PDGFD: variants seen among roughly 807,000 people sequenced by gnomAD.
The protein encoded by PDGFD is platelet derived growth factor D.
In PDGFD, 30 loss-of-function variants were observed where a neutral mutation model predicts 44.7. The ratio of observed to expected loss-of-function variants is 0.67; its 90% CI spans 0.50 to 0.91. The LOEUF is 0.91. Among genes scored for constraint, PDGFD ranks in the 40% least tolerant of loss-of-function variants. The pLI is 0.00. For missense variants in PDGFD, 445 were observed against 457.8 expected (o/e 0.97, Z 0.25); for synonymous variants, 173 against 168.4 (o/e 1.03, Z -0.21).
intron 1 of PDGFD, among the ~76,000 whole-genome samples, chr11:104,085,029 T>C (rs1861109579): frequency 6.6e-6 from 1 of 150,670 alleles, no homozygotes; most frequent in Non-Finnish European, 1.5e-5. Context: ...ATAACCATAG[T>C]ATATTTCAAA....
At chr11:104,086,357 G>GA (rs1368252238) in intron 1 of PDGFD, among the ~76,000 whole-genome samples, 3 of 152,180 alleles carry the variant, frequency 2.0e-5, no homozygotes, top group African/African-American at 7.2e-5. Flanking sequence ...CAAAAAAGAA[G>GA]AAAGTGTGTG....
intron 5 of PDGFD, among the ~76,000 whole-genome samples, chr11:103,936,544 TATTTC>T (rs1203178676): frequency 3.3e-5 from 5 of 152,224 alleles, no homozygotes; most frequent in Non-Finnish European, 7.3e-5. Flanking sequence ...ATAAAACATT[TATTTC>T]ATTTATTTCT....
intron 1 of PDGFD, among the ~76,000 whole-genome samples, chr11:104,090,106 G>C (rs1861190143): frequency 6.6e-6 from 1 of 152,078 alleles, no homozygotes; most frequent in Non-Finnish European, 1.5e-5. Flanking sequence ...AGACAGCAAT[G>C]AAAGATAGAA....
At chr11:103,957,442 C>T (rs1335712902) in intron 3 of PDGFD, among the ~76,000 whole-genome samples, 1 of 152,144 alleles carries the variant, frequency 6.6e-6, no homozygotes, top group Non-Finnish European at 1.5e-5. Context: ...AAGCTGGAGG[C>T]ATCACGCTAC....
chr11:103,946,514 T>G (rs1340986644), intron 4 of PDGFD: 1 of 152,228 alleles, frequency 6.6e-6, no homozygotes, highest in Non-Finnish European at 1.5e-5. Flanking sequence ...AGCTATCATG[T>G]CGAAGGTGCC....
At chr11:103,912,809 A>C (rs993669880) in intron 6 of PDGFD, among the ~76,000 whole-genome samples, 32 of 151,078 alleles carry the variant, frequency 2.1e-4, no homozygotes, top group African/African-American at 6.6e-4. Context: ...TGGAAAACAA[A>C]AAAAAAAAGC....
At chr11:104,038,048 C>T (rs758009693) in intron 1 of PDGFD, 6 of 1,561,824 alleles carry the variant, frequency 3.8e-6, no homozygotes, top group Non-Finnish European at 5.2e-6. Flanking sequence ...CTTGAGGGAG[C>T]CTCAGGTCCC....
intron 1 of PDGFD, among the ~76,000 whole-genome samples, chr11:104,089,975 T>C (rs1017816532): frequency 3.3e-5 from 5 of 152,130 alleles, no homozygotes; most frequent in Admixed American, 6.6e-5. Context: ...GAGTAGAACA[T>C]ACAACTCTCT....
intron 1 of PDGFD, among the ~76,000 whole-genome samples, chr11:104,104,333 G>A (rs1861440969): frequency 6.6e-6 from 1 of 152,030 alleles, no homozygotes. Context: ...TAGGCTAAGT[G>A]TACAGTGTTT....
intron 1 of PDGFD, among the ~76,000 whole-genome samples, chr11:104,090,649 C>A (rs890517368): frequency 2.0e-5 from 3 of 149,690 alleles, no homozygotes; most frequent in Non-Finnish European, 4.4e-5. Flanking sequence ...AAAAAATGTA[C>A]AGCAGAACAA....
chr11:103,967,904 GA>G (rs1414692717), intron 3 of PDGFD, among the ~76,000 whole-genome samples: 1 of 152,088 alleles, frequency 6.6e-6, no homozygotes, highest in Non-Finnish European at 1.5e-5. Context: ...CAAGCTTCTT[GA>G]AACAGTTTGT....
intron 6 of PDGFD, among the ~76,000 whole-genome samples, chr11:103,919,054 G>A (rs890521017): frequency 2.0e-5 from 3 of 152,066 alleles, no homozygotes; most frequent in Non-Finnish European, 4.4e-5. Flanking sequence ...ATCCACTGGC[G>A]GGCAACCAGC....
At chr11:104,115,416 T>TA (rs2134455850) in intron 1 of PDGFD, among the ~76,000 whole-genome samples, 1 of 151,544 alleles carries the variant, frequency 6.6e-6, no homozygotes, top group South Asian at 2.1e-4. Flanking sequence ...GTAATAGCAT[T>TA]AATTTATATA....
intron 1 of PDGFD, among the ~76,000 whole-genome samples, chr11:104,049,050 T>A (rs1318471209): frequency 2.6e-5 from 4 of 152,196 alleles, no homozygotes; most frequent in Non-Finnish European, 5.9e-5. Flanking sequence ...AGTCAGTGGC[T>A]GCATCCAGGA....
At chr11:104,131,001 TG>T in intron 1 of PDGFD, among the ~76,000 whole-genome samples, 4 of 152,346 alleles carry the variant, frequency 2.6e-5, no homozygotes, top group Admixed American at 2.6e-4. Flanking sequence ...TAATTATAAG[TG>T]CTCTTTTGGA....
At chr11:104,157,165 G>A (rs1321803635) in intron 1 of PDGFD, among the ~76,000 whole-genome samples, 1 of 152,212 alleles carries the variant, frequency 6.6e-6, no homozygotes, top group Admixed American at 6.5e-5. Flanking sequence ...GCTGAGCGCA[G>A]AGCGACAACC....
intron 1 of PDGFD, among the ~76,000 whole-genome samples, chr11:104,150,147 A>C (rs1434724401): frequency 3.3e-5 from 5 of 152,332 alleles, no homozygotes; most frequent in African/African-American, 1.2e-4. Flanking sequence ...ATGAAAAAAC[A>C]TATGAGCCAA....
At chr11:103,975,259 T>G (rs973093518) in intron 3 of PDGFD, among the ~76,000 whole-genome samples, 9 of 152,254 alleles carry the variant, frequency 5.9e-5, no homozygotes, top group African/African-American at 1.9e-4. Flanking sequence ...GAGCTTTTTT[T>G]CATATGTTTG....
At chr11:104,065,875 C>T (rs1860784747) in intron 1 of PDGFD, among the ~76,000 whole-genome samples, 1 of 152,112 alleles carries the variant, frequency 6.6e-6, no homozygotes, top group African/African-American at 2.4e-5. Flanking sequence ...GGATCTCTAG[C>T]ATTATTTTTA....
Sources: gnomAD v4.1 joint callset for allele counts (sites outside exome capture counted in the v4.1 genomes callset) on GRCh38, gnomAD v4.1.1 for gene constraint, MANE v1.5 for transcripts, NCBI Gene and HGNC (gene_info 2026-07-23, HGNC 2026-07-21) for gene names.